The following JAK2 variants were observed in gnomAD, a reference collection of about 807,000 sequenced individuals.
JAK2 encodes Janus kinase 2.
Under a neutral mutation model 139.3 loss-of-function variants are expected in JAK2, and 86 were observed. The observed-to-expected ratio is 0.62, with a 90% CI of 0.52 to 0.74. The LOEUF (loss-of-function observed/expected upper bound fraction) is 0.74, where lower values mean the gene tolerates loss of function less well. JAK2 is among the 30% of genes least tolerant of loss of function. The pLI, the probability that JAK2 is intolerant of heterozygous loss-of-function variation, is 0.00. For synonymous variants in JAK2, 490 were observed against 437.7 expected (o/e 1.12, Z -1.49); for missense variants, 1,421 against 1,360.3 (o/e 1.04, Z -0.70).
At chr9:5,119,657 T>C (rs1206390844) in intron 22 of JAK2, among the ~76,000 whole-genome samples, 1 of 152,188 alleles carries the variant, frequency 6.6e-6, no homozygotes, top group African/African-American at 2.4e-5. Flanking sequence ...ATATGGTACA[T>C]GGCATGGTCA....
chr9:5,126,469 G>C, intron 24 of JAK2, 23 bp downstream of exon 24: 1 of 1,460,756 alleles, frequency 6.8e-7, no homozygotes, highest in East Asian at 2.3e-5. Context: ...TTTTAATCCA[G>C]GGTAGTCATG....
At chr9:5,064,736 T>C (rs1002609429) in intron 8 of JAK2, 147 bp from the exon 9 acceptor site, 1 of 487,810 alleles carries the variant, frequency 2.0e-6, no homozygotes, top group Non-Finnish European at 3.5e-6. Context: ...ACATGAGAAT[T>C]TGTAATTCAT....
chr9:5,029,580 C>G (rs1214343121), intron 3 of JAK2, among the ~76,000 whole-genome samples: 1 of 152,044 alleles, frequency 6.6e-6, no homozygotes, highest in African/African-American at 2.4e-5. Flanking sequence ...GCAGGGTGCA[C>G]TAAAATGAAG....
intron 11 of JAK2, among the ~76,000 whole-genome samples, chr9:5,069,523 G>C (rs184846484): frequency 1.8e-4 from 27 of 152,034 alleles, no homozygotes; most frequent in African/African-American, 6.3e-4. Context: ...CATATACTTC[G>C]AGGATTTTAA....
intron 22 of JAK2, among the ~76,000 whole-genome samples, chr9:5,119,380 A>C (rs899785269): frequency 7.9e-5 from 12 of 152,060 alleles, no homozygotes; most frequent in African/African-American, 2.9e-4. Flanking sequence ...TAAATAGAAA[A>C]TTATGCACTT....
At chr9:5,039,846 TATCTC>T (rs1816352930) in intron 4 of JAK2, among the ~76,000 whole-genome samples, 1 of 152,308 alleles carries the variant, frequency 6.6e-6, no homozygotes, top group African/African-American at 2.4e-5. Context: ...AATGGAAAGA[TATCTC>T]ATAGAGGACT....
Position 5,127,336 on chromosome 9 carries a change from C to T in JAK2, c.*545C>T. 1 of 231,848 alleles carries T rather than the reference C, an allele frequency of 4.3e-6. No individual in the cohort carries two copies. The highest frequency in any genetic ancestry group is 6.1e-5 in the East Asian group (1 of 16,462). The allele number at this position is 231,848 out of a possible 1,614,324, so 14.4% of individuals were successfully genotyped here. A position where few individuals can be genotyped will look rare whatever the true frequency, so the allele number is the denominator to read the frequency against. On this transcript the variant is annotated 3_prime_UTR_variant, in exon 25 of 25. Coordinates refer to ENST00000381652, the MANE Select transcript of JAK2 (RefSeq NM_004972.4). ...ATAATTGAATAAGTACCTTTGTGTCCTTGTTCATTTATATCGCTGGCCAGC... is the reference window on the plus strand; with the variant it reads ...ATAATTGAATAAGTACCTTTGTGTCTTTGTTCATTTATATCGCTGGCCAGC...
At chr9:5,059,466 A>C (rs1818002563) in intron 8 of JAK2, among the ~76,000 whole-genome samples, 1 of 152,076 alleles carries the variant, frequency 6.6e-6, no homozygotes, top group African/African-American at 2.4e-5. Context: ...TATTCTGTTG[A>C]TGGACATTTG....
chr9:5,084,431 C>T lies in JAK2; in HGVS notation c.2571+2570C>T, dbSNP rs533765958. ...ATTTTATAAAAATTAGCTACTGTAT[C>T]CCTTTGTTATCCTTTTCAATTAGTG... On this transcript the variant is annotated intron_variant, in intron 19 of 24. Coordinates refer to ENST00000381652, the MANE Select transcript of JAK2 (RefSeq NM_004972.4). Among the ~76,000 whole-genome samples the T allele has an allele frequency of 1.3e-4, 20 of 152,188 alleles. No individual in the cohort carries two copies. In the South Asian group the frequency reaches 4.2e-3, roughly 32 times the overall value.
chr9:5,026,111 C>T (rs538951101), intron 3 of JAK2, among the ~76,000 whole-genome samples: 1 of 152,132 alleles, frequency 6.6e-6, no homozygotes, highest in East Asian at 1.9e-4. Flanking sequence ...CATCTCTAAC[C>T]TTTCTTTGGG....
At chr9:4,995,458 G>A (rs996693307) in intron 2 of JAK2, among the ~76,000 whole-genome samples, 1 of 152,234 alleles carries the variant, frequency 6.6e-6, no homozygotes, top group South Asian at 2.1e-4. Context: ...AAGATGGGAC[G>A]CAACTTTTTT....
Position 5,129,395 on chromosome 9 carries a change from A to C in JAK2, c.*2604A>C, listed in dbSNP as rs11788164. Among the ~76,000 whole-genome samples the C allele has an allele frequency of 6.6e-6, 1 of 151,830 alleles. No homozygotes were observed. Among genetic ancestry groups the C allele is most frequent in the Non-Finnish European group, 1.5e-5 (1 of 67,870 alleles). On this transcript the variant is annotated 3_prime_UTR_variant, in exon 25 of 25. Coordinates refer to ENST00000381652, the MANE Select transcript of JAK2 (RefSeq NM_004972.4). ...TTCCAGTTTTTAAGAAATGCTTCCT[A>C]CAACTGCTGTCAACCACTGTATTGT...
Position 5,028,631 on chromosome 9 carries a change from A to T in JAK2, c.227-1152A>T, listed in dbSNP as rs193173360. ...GCTGTTTTGTCTACACTGAAAATCTATTGTTTATCAGTGATCTTTGTTAGA... is the reference window on the plus strand; with the variant it reads ...GCTGTTTTGTCTACACTGAAAATCTTTTGTTTATCAGTGATCTTTGTTAGA... On this transcript the variant is annotated intron_variant, in intron 3 of 24. Coordinates refer to ENST00000381652, the MANE Select transcript of JAK2 (RefSeq NM_004972.4). Among the ~76,000 whole-genome samples the T allele has an allele frequency of 3.0e-4, 46 of 152,298 alleles. No homozygotes were observed. The East Asian group carries it at 8.3e-3, about 27-fold the overall frequency.
intron 22 of JAK2, among the ~76,000 whole-genome samples, chr9:5,102,561 G>T (rs934007530): frequency 6.6e-6 from 1 of 152,054 alleles, no homozygotes; most frequent in African/African-American, 2.4e-5. Context: ...GATACTCCTC[G>T]AGAAGAGCAA....
chr9:5,029,534 GA>G (rs1309497551), intron 3 of JAK2, among the ~76,000 whole-genome samples: 1 of 151,966 alleles, frequency 6.6e-6, no homozygotes, highest in South Asian at 2.1e-4. Context: ...ATTTTGTAAA[GA>G]AAAAAACCCC....
rs1303066147 is a variant in JAK2 at position 5,050,722 on chromosome 9, C to G, written c.505C>G (p.Pro169Ala). 1 of 1,613,640 alleles carries G rather than the reference C, an allele frequency of 6.2e-7. No homozygotes were observed. Among genetic ancestry groups the G allele is most frequent in the Non-Finnish European group, 8.5e-7 (1 of 1,179,762 alleles). Residue 169 changes from proline to alanine, a missense_variant, in exon 6 of 25, where the codon CCT becomes GCT. Physicochemically the swap from Pro to Ala is conservative, Grantham distance 27. Coordinates refer to ENST00000381652, the MANE Select transcript of JAK2 (RefSeq NM_004972.4). ...HDFVHGWIKV[P>A]VTHETQEECL... The stretch of plus-strand genomic sequence containing the variant: ...TTTTGTGCACGGATGGATAAAAGTA[C>G]CTGTGACTCATGAAACACAGGAAGA...
intron 12 of JAK2, 103 bp downstream of exon 12, chr9:5,070,155 A>G: frequency 1.4e-6 from 1 of 733,008 alleles, no homozygotes; most frequent in Non-Finnish European, 2.0e-6. Flanking sequence ...TGTTATATAC[A>G]AATTTAGTTG....
intron 4 of JAK2, chr9:5,040,852 C>G (rs1474522158): frequency 4.5e-6 from 1 of 220,008 alleles, no homozygotes; most frequent in Non-Finnish European, 9.2e-6. Flanking sequence ...CCAGCGCGAG[C>G]AGGAGAGGGG....
At chr9:5,119,776 C>G (rs1033115931) in intron 22 of JAK2, among the ~76,000 whole-genome samples, 8 of 151,974 alleles carry the variant, frequency 5.3e-5, no homozygotes, top group African/African-American at 1.9e-4. Context: ...TCCTCATGAT[C>G]AAAATTTTCA....
Sources: allele counts gnomAD v4.1 joint callset (sites outside exome capture counted in the v4.1 genomes callset), GRCh38; gene constraint gnomAD v4.1.1; transcripts MANE v1.5; gene names NCBI Gene and HGNC (gene_info 2026-07-23, HGNC 2026-07-21).